MGAT5B: variants seen among roughly 807,000 people sequenced by gnomAD.
The protein encoded by MGAT5B is N-acetylglucosaminyl-transferase Vb.
Under a neutral mutation model 95.1 loss-of-function variants are expected in MGAT5B, and 54 were observed. The ratio of observed to expected loss-of-function variants is 0.57; its 90% CI spans 0.46 to 0.71. The LOEUF (loss-of-function observed/expected upper bound fraction) is 0.71. Ranked by LOEUF, MGAT5B falls within the 30% of genes least tolerant of loss-of-function variation. The pLI is 0.00. For missense variants in MGAT5B, 935 were observed against 1,088.6 expected (o/e 0.86, Z 1.99); for synonymous variants, 464 against 451.0 (o/e 1.03, Z -0.36).
rs1449676634 is a variant in MGAT5B at position 76,916,251 on chromosome 17, C to G, written c.1026-8715C>G. On this transcript the variant is annotated intron_variant, in intron 8 of 17. Transcript: ENST00000569840. The surrounding 1 kb of genome is among the most constrained non-coding windows in gnomAD (Gnocchi z 5.3). ...CCCTTCCTTGCAAGGGCCTCGCCTCCCCTCATGCTCCACGCGCTGCGCTGG... is the reference window on the plus strand; with the variant it reads ...CCCTTCCTTGCAAGGGCCTCGCCTCGCCTCATGCTCCACGCGCTGCGCTGG... Among the ~76,000 whole-genome samples, 1 of 152,202 alleles carries G rather than the reference C, an allele frequency of 6.6e-6. No homozygotes were observed. The highest frequency in any genetic ancestry group is 6.5e-5 in the Admixed American group (1 of 15,286).
rs149987500 is a variant in MGAT5B, at chr17:76,895,144, C to T, written c.330-7411C>T. 2.4e-4 allele frequency among the ~76,000 whole-genome samples: 37 copies of T among 152,104 alleles called. 1 individual carries two copies. In the East Asian group the frequency reaches 4.6e-3, roughly 19 times the overall value. On this transcript the variant is annotated intron_variant, in intron 3 of 17. Transcript: ENST00000569840. Reference sequence around the variant, plus strand: ...AGCAGCAGCATTAGATTCTTATAGGCGTGAAAACCCTATTGTGAACTGCAC... The same window carrying T: ...AGCAGCAGCATTAGATTCTTATAGGTGTGAAAACCCTATTGTGAACTGCAC...
chr17:76,882,728 T>TCG (rs1428309813), intron 3 of MGAT5B, among the ~76,000 whole-genome samples: 6 of 132,700 alleles, frequency 4.5e-5, no homozygotes, highest in African/African-American at 1.8e-4. Context: ...TTTTTTTTTT[T>TCG]GACACAGAGC....
chr17:76,884,624 G>A (rs1483601640), intron 3 of MGAT5B, among the ~76,000 whole-genome samples: 2 of 138,816 alleles, frequency 1.4e-5, no homozygotes, highest in East Asian at 4.2e-4. Context: ...TTTTTTTTGA[G>A]ACAAAGTCTC....
At chr17:76,926,028 G>A (rs1051623330) in intron 9 of MGAT5B, among the ~76,000 whole-genome samples, 1 of 152,190 alleles carries the variant, frequency 6.6e-6, no homozygotes, top group African/African-American at 2.4e-5. Flanking sequence ...GCCCTGTGGA[G>A]CAGAGCCTCT....
chr17:76,940,321 C>T lies in MGAT5B; in HGVS notation c.1585-81C>T. Reference sequence around the variant, plus strand: ...GCCTCCTGTGAATATCCCGAAGCCTCACCTTGTCCCCGGCATCCTGGTGCT... The same window carrying T: ...GCCTCCTGTGAATATCCCGAAGCCTTACCTTGTCCCCGGCATCCTGGTGCT... On this transcript the variant is annotated intron_variant, in intron 13 of 17. Transcript: ENST00000569840. This position sits in a 1 kb window ranked among gnomAD's most constrained non-coding sequence, Gnocchi z 4.3. 6.8e-7 allele frequency: 1 copy of T among 1,468,894 alleles called. No homozygotes were observed. Among genetic ancestry groups the T allele is most frequent in the Non-Finnish European group, 9.1e-7 (1 of 1,104,898 alleles). The allele number at this position is 1,468,894 out of a possible 1,614,324, so 91.0% of individuals were successfully genotyped here.
At chr17:76,880,171 C>T (rs1967357298) in intron 2 of MGAT5B, among the ~76,000 whole-genome samples, 2 of 152,166 alleles carry the variant, frequency 1.3e-5, no homozygotes, top group Admixed American at 1.3e-4. Context: ...GCCTCTCTCT[C>T]CTCCTTTTCT....
At chr17:76,927,047 G>A (rs1008857984) in intron 10 of MGAT5B, among the ~76,000 whole-genome samples, 1 of 152,158 alleles carries the variant, frequency 6.6e-6, no homozygotes, top group African/African-American at 2.4e-5. Context: ...GGGACTCCGC[G>A]GCCTTCCAGA....
intron 3 of MGAT5B, among the ~76,000 whole-genome samples, chr17:76,885,930 A>G (rs1598903592): frequency 7.1e-6 from 1 of 140,850 alleles, no homozygotes; most frequent in East Asian, 2.1e-4. Flanking sequence ...TGGATTCCCC[A>G]CTTAGAAATT....
At position 76,869,117 on chromosome 17, in the gene MGAT5B, G is replaced by C. The variant is rs78271640; in HGVS notation, c.68+20G>C. On this transcript the variant is annotated intron_variant, in intron 1 of 17. Coordinates refer to ENST00000569840, the MANE Select transcript of MGAT5B (RefSeq NM_001199172.2). The surrounding 1 kb of genome is among the most constrained non-coding windows in gnomAD (Gnocchi z 7.0). ...CTTTCGGTAAAGTTCCCTCCTGGTT[G>C]GTTTTTTCCCCAGGGGGGCGCCGGG... 11,094 of 1,612,482 alleles carry C rather than the reference G, an allele frequency of 6.9e-3. 77 individuals carry two copies. Among genetic ancestry groups the C allele is most frequent in the African/African-American group, 0.019 (1,402 of 75,024 alleles).
chr17:76,924,142 G>A (rs1319447009), intron 8 of MGAT5B: 2 of 152,432 alleles, frequency 1.3e-5, no homozygotes, highest in Non-Finnish European at 1.5e-5. Context: ...TGGCTGCTGG[G>A]ACAGGGGGCT....
chr17:76,883,882 G>A (rs950036768), intron 3 of MGAT5B, among the ~76,000 whole-genome samples: 8 of 152,204 alleles, frequency 5.3e-5, no homozygotes, highest in African/African-American at 1.7e-4. Flanking sequence ...TTGGAGGGAT[G>A]CCTGCCTGAG....
At chr17:76,929,164 C>T (rs1476391414) in intron 10 of MGAT5B, among the ~76,000 whole-genome samples, 1 of 152,176 alleles carries the variant, frequency 6.6e-6, no homozygotes. Flanking sequence ...CTGTGCCCAG[C>T]CAGGGCAACA....
intron 3 of MGAT5B, among the ~76,000 whole-genome samples, chr17:76,883,330 T>C (rs1967504723): frequency 6.6e-6 from 1 of 152,186 alleles, no homozygotes. Flanking sequence ...GATTTTGAAC[T>C]CTGTGTTGAG....
Position 76,932,639 on chromosome 17 carries a change from C to CTGCA in MGAT5B, c.1292-5_1292-2dup. 6.2e-7 allele frequency: 1 copy of CTGCA among 1,613,576 alleles called. No individual in the cohort carries two copies. Among genetic ancestry groups the CTGCA allele is most frequent in the Non-Finnish European group, 8.5e-7 (1 of 1,179,680 alleles). ...ACCCCATTCCTTCTGCGTGCTCGGGCTGCAGCTCATACCCCCGACAACTCC... is the reference window on the plus strand; with the variant it reads ...ACCCCATTCCTTCTGCGTGCTCGGGCTGCATGCAGCTCATACCCCCGACAACTCC... On this transcript the variant is annotated splice_region_variant and splice_polypyrimidine_tract_variant and intron_variant, in intron 10 of 17. Transcript: ENST00000569840.
rs574596481 is a variant in MGAT5B, at chr17:76,898,990, GT to G, written c.330-3562del. Among the ~76,000 whole-genome samples, 366 of 152,306 alleles carry G rather than the reference GT, an allele frequency of 2.4e-3. 1 individual carries two copies. The highest frequency in any genetic ancestry group is 8.5e-3 in the African/African-American group (355 of 41,564). On this transcript the variant is annotated intron_variant, in intron 3 of 17. Coordinates refer to ENST00000569840, the MANE Select transcript of MGAT5B (RefSeq NM_001199172.2). ...TGGAGGACTCAGGACTCCATTCGGGGTTTCAGGCTGGCCACTCACAACCACA... is the reference window on the plus strand; with the variant it reads ...TGGAGGACTCAGGACTCCATTCGGGGTTCAGGCTGGCCACTCACAACCACA...
intron 8 of MGAT5B, among the ~76,000 whole-genome samples, chr17:76,923,146 C>T (rs1353432900): frequency 2.0e-5 from 3 of 152,198 alleles, no homozygotes; most frequent in South Asian, 2.1e-4. Context: ...GTCCCCTCCC[C>T]GAGCTTCTGA....
intron 3 of MGAT5B, among the ~76,000 whole-genome samples, chr17:76,885,806 C>T (rs1967608484): frequency 6.6e-6 from 1 of 152,210 alleles, no homozygotes; most frequent in Non-Finnish European, 1.5e-5. Context: ...AACACTGCTG[C>T]CCCCTCCGCA....
At chr17:76,911,453 TG>T (rs879284551) in intron 8 of MGAT5B, among the ~76,000 whole-genome samples, 1 of 152,002 alleles carries the variant, frequency 6.6e-6, no homozygotes, top group African/African-American at 2.4e-5. Context: ...TGTGGCTTAG[TG>T]GGGGGTTGGG....
chr17:76,875,615 G>A (rs569244110), intron 2 of MGAT5B, among the ~76,000 whole-genome samples: 46 of 146,932 alleles, frequency 3.1e-4, no homozygotes, highest in Non-Finnish European at 5.9e-4. Flanking sequence ...GTACATGTGT[G>A]AGACTCACTA....
Sources: allele counts gnomAD v4.1 joint callset (sites outside exome capture counted in the v4.1 genomes callset), GRCh38; gene constraint gnomAD v4.1.1; non-coding constraint Gnocchi (gnomAD v3.1); transcripts MANE v1.5; gene names NCBI Gene and HGNC (gene_info 2026-07-23, HGNC 2026-07-21).